Variants in TFDP2 observed in about 807,000 individuals in gnomAD.
The protein encoded by TFDP2 is transcription factor Dp-2 (E2F dimerization partner 2).
A neutral mutation model predicts 59.3 loss-of-function variants in TFDP2; 17 were observed. That is an observed-to-expected ratio of 0.29 (90% CI 0.20 to 0.43). The LOEUF (loss-of-function observed/expected upper bound fraction) is 0.43, where lower values mean the gene tolerates loss of function less well. Among genes scored for constraint, TFDP2 ranks in the 20% least tolerant of loss-of-function variants. The pLI, the probability that TFDP2 is intolerant of heterozygous loss-of-function variation, is 1.00. For synonymous variants in TFDP2, 180 were observed against 194.7 expected (o/e 0.92, Z 0.63); for missense variants, 391 against 528.8 (o/e 0.74, Z 2.56).
rs1935226411 is a variant in TFDP2 at position 141,946,174 on chromosome 3, C to T, written c.*6339G>A. On this transcript the variant is annotated 3_prime_UTR_variant, in exon 13 of 13. Transcript: ENST00000489671. ...TGGTGCAGGCTCTGCCACAGACAGG[C>T]TGAGGGATGGGAGGCAAGTCAAGCT... is the stretch of plus-strand genomic sequence containing the variant. 1 of 152,276 alleles carries T rather than the reference C, an allele frequency of 6.6e-6. No individual in the cohort carries two copies. The highest frequency in any genetic ancestry group is 2.4e-5 in the African/African-American group (1 of 41,452). 9.4% of individuals were successfully genotyped at this position (152,276 alleles called of 1,614,324 possible).
intron 2 of TFDP2, chr3:142,094,046 T>A (rs2061084991): frequency 4.7e-6 from 2 of 421,830 alleles, no homozygotes; most frequent in African/African-American, 4.1e-5. Context: ...TAATATCCAC[T>A]ACACTACTTG....
At chr3:142,144,675 G>A (rs1577081684) in intron 1 of TFDP2, among the ~76,000 whole-genome samples, 1 of 152,004 alleles carries the variant, frequency 6.6e-6, no homozygotes, top group Admixed American at 6.6e-5. Context: ...CTGAGTACCT[G>A]GGACTATAGG....
chr3:141,966,139 A>G (rs1576481024), intron 9 of TFDP2, among the ~76,000 whole-genome samples: 1 of 152,074 alleles, frequency 6.6e-6, no homozygotes, highest in Admixed American at 6.5e-5. Flanking sequence ...TCAAGTGAAG[A>G]GAGCAGTAAA....
At chr3:142,037,633 TG>T (rs1248402079) in intron 3 of TFDP2, among the ~76,000 whole-genome samples, 1 of 152,064 alleles carries the variant, frequency 6.6e-6, no homozygotes, top group African/African-American at 2.4e-5. Context: ...AATGGTTTTG[TG>T]GGGGGAAAAG....
intron 3 of TFDP2, among the ~76,000 whole-genome samples, chr3:142,059,327 G>A (rs1576866352): frequency 6.6e-6 from 1 of 151,966 alleles, no homozygotes; most frequent in African/African-American, 2.4e-5. Flanking sequence ...GTTTCATAGT[G>A]AGGTCTAAAG....
At chr3:142,073,686 T>C (rs919128675) in intron 3 of TFDP2, among the ~76,000 whole-genome samples, 1 of 152,136 alleles carries the variant, frequency 6.6e-6, no homozygotes, top group Admixed American at 6.5e-5. Flanking sequence ...TTTTGTCTTG[T>C]TAAATCAAGG....
chr3:142,051,632 A>G (rs1947634680), intron 3 of TFDP2, among the ~76,000 whole-genome samples: 1 of 152,214 alleles, frequency 6.6e-6, no homozygotes, highest in Admixed American at 6.5e-5. Context: ...GCATGAAGAT[A>G]AGACACGTAC....
At position 141,946,720 on chromosome 3, in the gene TFDP2, T is replaced by C. The variant is rs1446931414; in HGVS notation, c.*5793A>G. The stretch of plus-strand genomic sequence containing the variant: ...GTTATAATTTATGTGGGTATTGAGC[T>C]TGAATTTTTTTTAATCATAAAATCT... On this transcript the variant is annotated 3_prime_UTR_variant, in exon 13 of 13. Coordinates refer to ENST00000489671, the MANE Select transcript of TFDP2 (RefSeq NM_001178139.2). The C allele has an allele frequency of 1.3e-5, 2 of 152,162 alleles. No homozygotes were observed. Among genetic ancestry groups the C allele is most frequent in the African/African-American group, 4.8e-5 (2 of 41,440 alleles). The allele number at this position is 152,162 out of a possible 1,614,324, so 9.4% of individuals were successfully genotyped here. A position where few individuals can be genotyped will look rare whatever the true frequency, so the allele number is the denominator to read the frequency against.
At chr3:142,076,430 C>T (rs561091522) in intron 3 of TFDP2, among the ~76,000 whole-genome samples, 1 of 151,834 alleles carries the variant, frequency 6.6e-6, no homozygotes, top group African/African-American at 2.4e-5. Flanking sequence ...GTAATATATC[C>T]ACTTAATGGA....
chr3:142,039,704 A>T (rs890602812), intron 3 of TFDP2, among the ~76,000 whole-genome samples: 1 of 152,164 alleles, frequency 6.6e-6, no homozygotes. Flanking sequence ...GGACAATAGA[A>T]AACCACCTAT....
intron 1 of TFDP2, among the ~76,000 whole-genome samples, chr3:142,120,995 T>C (rs1177860100): frequency 6.6e-6 from 1 of 151,904 alleles, no homozygotes; most frequent in Non-Finnish European, 1.5e-5. Context: ...GACAGAGCCA[T>C]CTGCAGATAT....
intron 3 of TFDP2, among the ~76,000 whole-genome samples, chr3:142,068,531 T>C (rs1313274719): frequency 6.6e-6 from 1 of 152,204 alleles, no homozygotes; most frequent in African/African-American, 2.4e-5. Flanking sequence ...AAACATTATA[T>C]GTTTTCAAGT....
At chr3:142,098,269 CA>C (rs750380975) in intron 2 of TFDP2, among the ~76,000 whole-genome samples, 3,913 of 116,960 alleles carry the variant, frequency 0.033, 104 homozygotes, top group African/African-American at 0.085. Flanking sequence ...ATTGACAAGG[CA>C]AAAAAAAAAA....
At chr3:142,140,441 C>T (rs1403174892) in intron 1 of TFDP2, among the ~76,000 whole-genome samples, 3 of 152,172 alleles carry the variant, frequency 2.0e-5, no homozygotes, top group Admixed American at 6.6e-5. Flanking sequence ...GGAGAAGAGG[C>T]ACTCTGGTTT....
At chr3:142,069,302 A>T (rs993431985) in intron 3 of TFDP2, among the ~76,000 whole-genome samples, 36 of 152,158 alleles carry the variant, frequency 2.4e-4, no homozygotes, top group African/African-American at 7.0e-4. Context: ...ATAGCATTCC[A>T]TTATATGTAC....
chr3:141,988,625 T>A (rs1005991816), intron 6 of TFDP2, among the ~76,000 whole-genome samples: 1 of 152,030 alleles, frequency 6.6e-6, no homozygotes, highest in Non-Finnish European at 1.5e-5. Flanking sequence ...TCTGTTTTCA[T>A]GTTTTAATAT....
intron 3 of TFDP2, among the ~76,000 whole-genome samples, chr3:142,042,246 CTAA>C (rs1018313170): frequency 1.1e-4 from 17 of 152,032 alleles, no homozygotes; most frequent in African/African-American, 3.6e-4. Flanking sequence ...TTGTCTTTTG[CTAA>C]TAACAGTGCA....
intron 6 of TFDP2, among the ~76,000 whole-genome samples, chr3:141,983,061 A>C (rs1318782872): frequency 6.6e-6 from 1 of 152,194 alleles, no homozygotes; most frequent in Non-Finnish European, 1.5e-5. Flanking sequence ...GCAATATAAA[A>C]CCAAAGGGCA....
chr3:142,064,606 G>A lies in TFDP2; in HGVS notation c.82+28455C>T, dbSNP rs547861694. Among the ~76,000 whole-genome samples the A allele has an allele frequency of 3.9e-5, 6 of 152,228 alleles. No individual in the cohort carries two copies. In the East Asian group the frequency reaches 9.6e-4, roughly 24 times the overall value. On this transcript the variant is annotated intron_variant, in intron 3 of 12. Coordinates refer to ENST00000489671, the MANE Select transcript of TFDP2 (RefSeq NM_001178139.2). ...TCTTCTCTAATTCCTTTAGATTTGC[G>A]ATTTACATGTCTGCAGTGTCAGTCA... is the stretch of plus-strand genomic sequence containing the variant.
Sources: allele counts gnomAD v4.1 joint callset (sites outside exome capture counted in the v4.1 genomes callset), GRCh38; gene constraint gnomAD v4.1.1; transcripts MANE v1.5; gene names NCBI Gene and HGNC (gene_info 2026-07-23, HGNC 2026-07-21).